The following VKORC1L1 variants were observed in gnomAD, a reference collection of about 807,000 sequenced individuals.
The protein encoded by VKORC1L1 is vitamin K epoxide reductase complex subunit 1L1.
A neutral mutation model predicts 18.9 loss-of-function variants in VKORC1L1; 2 were observed. That is an observed-to-expected ratio of 0.11 (90% CI 0.04 to 0.33). The LOEUF is 0.33. VKORC1L1 is among the 10% of genes least tolerant of loss of function. The pLI is 1.00. For synonymous variants in VKORC1L1, 96 were observed against 100.0 expected (o/e 0.96, Z 0.24); for missense variants, 123 against 224.1 (o/e 0.55, Z 2.88).
intron 1 of VKORC1L1, among the ~76,000 whole-genome samples, chr7:65,924,834 T>G (rs1331029046): frequency 1.3e-5 from 2 of 152,236 alleles, no homozygotes; most frequent in Non-Finnish European, 2.9e-5. Context: ...CTGTATTCTA[T>G]GAATCTTTTT....
At chr7:65,872,580 G>A (rs1488734442), upstream of VKORC1L1, among the ~76,000 whole-genome samples, 1 of 152,074 alleles carries the variant, frequency 6.6e-6, no homozygotes, top group Non-Finnish European at 1.5e-5. Context: ...CACCTGCCTC[G>A]GCCTCCCAAA....
At chr7:65,911,522 G>A (rs1789502654) in intron 1 of VKORC1L1, among the ~76,000 whole-genome samples, 1 of 152,154 alleles carries the variant, frequency 6.6e-6, no homozygotes, top group African/African-American at 2.4e-5. Context: ...TCTCTGTTCA[G>A]CAAGACAAAT....
At chr7:65,875,705 C>A (rs1788816423) in intron 1 of VKORC1L1, among the ~76,000 whole-genome samples, 1 of 152,190 alleles carries the variant, frequency 6.6e-6, no homozygotes, top group Admixed American at 6.6e-5. Context: ...ACGTGAGCCA[C>A]CGCGCCTAGC....
At chr7:65,901,880 G>A (rs1335023272) in intron 1 of VKORC1L1, among the ~76,000 whole-genome samples, 1 of 152,122 alleles carries the variant, frequency 6.6e-6, no homozygotes, top group Non-Finnish European at 1.5e-5. Context: ...ACACAGAGCT[G>A]GGAATAGTCT....
chr7:65,890,691 G>A (rs566230602), intron 1 of VKORC1L1, among the ~76,000 whole-genome samples: 37 of 152,324 alleles, frequency 2.4e-4, no homozygotes, highest in African/African-American at 8.7e-4. Context: ...CAAAGTGGTT[G>A]CACTAGTTTA....
chr7:65,894,524 C>G (rs752013299), intron 1 of VKORC1L1, among the ~76,000 whole-genome samples: 1 of 151,440 alleles, frequency 6.6e-6, no homozygotes, highest in Admixed American at 6.6e-5. Flanking sequence ...GTCAGAAGAT[C>G]GAGACCATCC....
At chr7:65,885,079 T>A (rs1034001674) in intron 1 of VKORC1L1, among the ~76,000 whole-genome samples, 1 of 152,204 alleles carries the variant, frequency 6.6e-6, no homozygotes, top group East Asian at 1.9e-4. Flanking sequence ...TGTAAATATA[T>A]GTAATTTGTT....
At chr7:65,902,834 T>C (rs574606817) in intron 1 of VKORC1L1, among the ~76,000 whole-genome samples, 32 of 151,648 alleles carry the variant, frequency 2.1e-4, no homozygotes, top group Admixed American at 1.8e-3. Context: ...CAAAATACAA[T>C]TGAGAGACAT....
chr7:65,890,234 C>T (rs1242769459), intron 1 of VKORC1L1, among the ~76,000 whole-genome samples: 7 of 151,262 alleles, frequency 4.6e-5, no homozygotes, highest in East Asian at 1.9e-4. Context: ...GGGTTCACAC[C>T]GTTCTCCTGC....
At chr7:65,905,031 A>G (rs954716502) in intron 1 of VKORC1L1, among the ~76,000 whole-genome samples, 1 of 152,262 alleles carries the variant, frequency 6.6e-6, no homozygotes, top group South Asian at 2.1e-4. Flanking sequence ...ATATGTATAC[A>G]TATAGGTATG....
chr7:65,895,765 C>T (rs1215250242), intron 1 of VKORC1L1, among the ~76,000 whole-genome samples: 1 of 151,142 alleles, frequency 6.6e-6, no homozygotes, highest in Non-Finnish European at 1.5e-5. Context: ...GAAGTAGCCT[C>T]ATCTATAGAA....
intron 1 of VKORC1L1, among the ~76,000 whole-genome samples, chr7:65,898,077 GT>G (rs71051319): frequency 0.01 from 851 of 82,846 alleles, 1 homozygote; most frequent in African/African-American, 0.033. Context: ...TTTGTAGCAG[GT>G]TTTTTTTTTT....
chr7:65,900,873 T>G (rs187759486), intron 1 of VKORC1L1, among the ~76,000 whole-genome samples: 8 of 152,316 alleles, frequency 5.3e-5, no homozygotes, highest in Admixed American at 5.2e-4. Context: ...AAATTATATT[T>G]TGTATTCACC....
At chr7:65,892,166 AT>A (rs1789119965) in intron 1 of VKORC1L1, among the ~76,000 whole-genome samples, 1 of 151,774 alleles carries the variant, frequency 6.6e-6, no homozygotes, top group Admixed American at 6.6e-5. Flanking sequence ...TAAGTGCCAC[AT>A]TTTCTTTATC....
intron 1 of VKORC1L1, among the ~76,000 whole-genome samples, chr7:65,908,796 C>A: frequency 7.7e-6 from 1 of 129,684 alleles, no homozygotes; most frequent in Admixed American, 8.7e-5. Context: ...AAGATCGTGC[C>A]AGTGCACTCT....
intron 1 of VKORC1L1, among the ~76,000 whole-genome samples, chr7:65,926,142 A>AATTATTATTATT (rs58145133): frequency 2.7e-5 from 4 of 146,706 alleles, no homozygotes; most frequent in African/African-American, 1.0e-4. Flanking sequence ...AATTTTAATG[A>AATTATTATTATT]ATTATTATTA....
intron 1 of VKORC1L1, among the ~76,000 whole-genome samples, chr7:65,940,354 C>A (rs576445680): frequency 6.6e-6 from 1 of 152,110 alleles, no homozygotes. Flanking sequence ...CATACCCAAA[C>A]AATCAATCAA....
chr7:65,893,216 G>A (rs889317352), intron 1 of VKORC1L1, among the ~76,000 whole-genome samples: 3 of 152,060 alleles, frequency 2.0e-5, no homozygotes, highest in Admixed American at 1.3e-4. Context: ...TAGATTTCTT[G>A]TTATTTTTAA....
upstream of VKORC1L1, among the ~76,000 whole-genome samples, chr7:65,870,154 A>C (rs1788708797): frequency 6.6e-6 from 1 of 151,712 alleles, no homozygotes; most frequent in African/African-American, 2.4e-5. Context: ...TGGGGGCCAG[A>C]CATGGTGGCT....
Sources: gnomAD v4.1 joint callset for allele counts (sites outside exome capture counted in the v4.1 genomes callset) on GRCh38, gnomAD v4.1.1 for gene constraint, MANE v1.5 for transcripts, NCBI Gene and HGNC (gene_info 2026-07-23, HGNC 2026-07-21) for gene names.